The following CNTN5 variants were observed in gnomAD, a reference collection of about 807,000 sequenced individuals.
The protein encoded by CNTN5 is contactin 5.
CNTN5 carries 77 observed loss-of-function variants against 129.1 expected under a neutral mutation model. The ratio of observed to expected loss-of-function variants is 0.60; its 90% CI spans 0.50 to 0.72. The LOEUF (loss-of-function observed/expected upper bound fraction) is 0.72. CNTN5 is among the 30% of genes least tolerant of loss of function. The probability of loss-of-function intolerance (pLI) is 0.00; values close to 1 mark genes in which losing one functional copy is unlikely to be tolerated. For missense variants in CNTN5, 1,478 were observed against 1,328.8 expected (o/e 1.11, Z -1.75); for synonymous variants, 509 against 465.6 (o/e 1.09, Z -1.20).
At position 99,516,445 on chromosome 11, in the gene CNTN5, A is replaced by T. The variant is rs150169153; in HGVS notation, c.-70-39700A>T. On this transcript the variant is annotated intron_variant, in intron 2 of 24. Coordinates refer to ENST00000524871, the MANE Select transcript of CNTN5 (RefSeq NM_014361.4). ...TCTGTGGAAACTAGTATGTTCTCTG[A>T]AAAGAGCACTTTTCAGGTTCTTCTC... is the stretch of plus-strand genomic sequence containing the variant. Among the ~76,000 whole-genome samples the T allele has an allele frequency of 9.0e-3, 1,371 of 152,246 alleles. 15 individuals carry two copies. Among genetic ancestry groups the T allele is most frequent in the African/African-American group, 0.031 (1,277 of 41,546 alleles).
chr11:99,435,099 T>C lies in CNTN5; in HGVS notation c.-71+109615T>C, dbSNP rs551153546. 3.9e-5 allele frequency among the ~76,000 whole-genome samples: 6 copies of C among 152,264 alleles called. No homozygotes were observed. The East Asian group carries it at 1.2e-3, about 29-fold the overall frequency. ...ATCAGTCTTTTAGTATCAATGCCAT[T>C]TTTAAAGTGTGAAATAATGCTCCTG... On this transcript the variant is annotated intron_variant, in intron 2 of 24. Transcript: ENST00000524871.
intron 3 of CNTN5, among the ~76,000 whole-genome samples, chr11:99,762,010 G>C (rs1316882662): frequency 2.6e-3 from 277 of 107,758 alleles, no homozygotes; most frequent in African/African-American, 3.2e-3. Flanking sequence ...TTTCTCTGAT[G>C]GCCAGTGATG....
intron 3 of CNTN5, among the ~76,000 whole-genome samples, chr11:99,643,857 T>A (rs61480161): frequency 1.3e-5 from 2 of 151,684 alleles, no homozygotes; most frequent in Non-Finnish European, 1.5e-5. Context: ...ATAATTTTAA[T>A]TAAAAATGTA....
At chr11:99,154,263 C>T (rs755779) in intron 1 of CNTN5, among the ~76,000 whole-genome samples, 107,259 of 152,064 alleles carry the variant, frequency 0.71, 38,367 homozygotes, top group East Asian at 0.94. Context: ...TGCCAGTGTC[C>T]ATGCTTGCAC....
chr11:99,720,927 G>A (rs80086677), intron 3 of CNTN5, among the ~76,000 whole-genome samples: 6,398 of 152,008 alleles, frequency 0.042, 233 homozygotes, highest in East Asian at 0.2. Flanking sequence ...GAAATACTTA[G>A]GTATACATCT....
chr11:100,081,629 A>T lies in CNTN5; in HGVS notation c.1580+7335A>T, dbSNP rs573680404. Among the ~76,000 whole-genome samples, 43 of 152,326 alleles carry T rather than the reference A, an allele frequency of 2.8e-4. 2 individuals are homozygous for T. Among genetic ancestry groups the T allele is most frequent in the Admixed American group, 1.4e-3 (21 of 15,282 alleles). On this transcript the variant is annotated intron_variant, in intron 13 of 24. Coordinates refer to ENST00000524871, the MANE Select transcript of CNTN5 (RefSeq NM_014361.4). ...ATTTCAAGTGATTAGCAAATAAAGC[A>T]TAATGTCAACAAATGGTGATACTGA... is the stretch of plus-strand genomic sequence containing the variant.
chr11:99,257,043 G>C (rs1431216077), intron 1 of CNTN5, among the ~76,000 whole-genome samples: 2 of 152,076 alleles, frequency 1.3e-5, no homozygotes, highest in African/African-American at 4.8e-5. Flanking sequence ...CCAAATGACA[G>C]AGCCAGATTC....
chr11:100,021,610 T>G (rs1941152996), intron 9 of CNTN5, among the ~76,000 whole-genome samples: 1 of 152,212 alleles, frequency 6.6e-6, no homozygotes, highest in African/African-American at 2.4e-5. Context: ...CAACTTTGTC[T>G]GATATTAATA....
chr11:99,467,481 G>A (rs1291317375), intron 2 of CNTN5, among the ~76,000 whole-genome samples: 1 of 151,998 alleles, frequency 6.6e-6, no homozygotes, highest in African/African-American at 2.4e-5. Flanking sequence ...TTGTCATACC[G>A]CTTTATCATG....
At chr11:99,457,623 A>G (rs529139659) in intron 2 of CNTN5, among the ~76,000 whole-genome samples, 91 of 151,974 alleles carry the variant, frequency 6.0e-4, no homozygotes, top group African/African-American at 2.1e-3. Context: ...GTAAAATTAC[A>G]TGTTTCCTTG....
At chr11:99,973,519 A>G (rs1937719664) in intron 8 of CNTN5, among the ~76,000 whole-genome samples, 1 of 152,062 alleles carries the variant, frequency 6.6e-6, no homozygotes. Flanking sequence ...GCCATTCTTA[A>G]TATGCTCTAC....
intron 7 of CNTN5, among the ~76,000 whole-genome samples, chr11:99,953,958 G>A (rs77100225): frequency 6.6e-6 from 1 of 152,038 alleles, no homozygotes; most frequent in African/African-American, 2.4e-5. Context: ...TTCTTCTAGG[G>A]TTTTTATGGC....
intron 3 of CNTN5, among the ~76,000 whole-genome samples, chr11:99,623,956 G>A (rs1006891632): frequency 2.0e-5 from 3 of 151,968 alleles, no homozygotes; most frequent in Non-Finnish European, 4.4e-5. Context: ...GTAAATTAAG[G>A]GTGAGAAGTT....
At chr11:100,120,143 T>C (rs563048505) in intron 13 of CNTN5, among the ~76,000 whole-genome samples, 91 of 152,072 alleles carry the variant, frequency 6.0e-4, no homozygotes, top group Non-Finnish European at 1.1e-3. Context: ...GTGTTGTTTT[T>C]CACTTTTCAC....
chr11:99,804,578 T>C (rs976026016), intron 3 of CNTN5, among the ~76,000 whole-genome samples: 1 of 151,518 alleles, frequency 6.6e-6, no homozygotes, highest in Admixed American at 6.6e-5. Context: ...TTAATTTTAT[T>C]TTTATAATCT....
intron 13 of CNTN5, among the ~76,000 whole-genome samples, chr11:100,156,787 A>C (rs1056379258): frequency 6.6e-6 from 1 of 152,002 alleles, no homozygotes; most frequent in Admixed American, 6.6e-5. Flanking sequence ...ATTTGCCTAG[A>C]GGTATTTATA....
chr11:100,327,932 A>G (rs1167478472), intron 21 of CNTN5, among the ~76,000 whole-genome samples: 1 of 152,210 alleles, frequency 6.6e-6, no homozygotes, highest in Non-Finnish European at 1.5e-5. Flanking sequence ...ACATTTAATA[A>G]AAGCAGAAAA....
At chr11:100,155,288 C>A (rs1230626686) in intron 13 of CNTN5, among the ~76,000 whole-genome samples, 2 of 152,134 alleles carry the variant, frequency 1.3e-5, no homozygotes, top group Non-Finnish European at 2.9e-5. Context: ...TTCCTTTCCA[C>A]ATTGCTTGTT....
chr11:99,284,886 C>A (rs998543768), intron 1 of CNTN5, among the ~76,000 whole-genome samples: 1 of 151,964 alleles, frequency 6.6e-6, no homozygotes, highest in African/African-American at 2.4e-5. Context: ...ATGAGCATTT[C>A]TTGGAATTGA....
Sources: gnomAD v4.1 joint callset for allele counts (sites outside exome capture counted in the v4.1 genomes callset) on GRCh38, gnomAD v4.1.1 for gene constraint, MANE v1.5 for transcripts, NCBI Gene and HGNC (gene_info 2026-07-23, HGNC 2026-07-21) for gene names.